Variants in GALNT8 observed in about 807,000 individuals in gnomAD.
GALNT8 encodes the protein polypeptide N-acetylgalactosaminyltransferase 8, also known as probable polypeptide N-acetylgalactosaminyltransferase 8.
Under a neutral mutation model 62.7 loss-of-function variants are expected in GALNT8, and 66 were observed. The ratio of observed to expected loss-of-function variants is 1.05; its 90% CI spans 0.86 to 1.29. The LOEUF is 1.29. GALNT8 is among the 50% of genes most tolerant of loss of function. The probability of loss-of-function intolerance (pLI) is 0.00; values close to 1 mark genes in which losing one functional copy is unlikely to be tolerated. For missense variants in GALNT8, 771 were observed against 791.8 expected (o/e 0.97, Z 0.32); for synonymous variants, 288 against 294.3 (o/e 0.98, Z 0.22).
intron 1 of GALNT8, among the ~76,000 whole-genome samples, chr12:4,722,151 C>T (rs1946173774): frequency 6.6e-6 from 1 of 152,176 alleles, no homozygotes; most frequent in Non-Finnish European, 1.5e-5. Flanking sequence ...ATGTCTAGTT[C>T]TTTCTACACA....
intron 6 of GALNT8, 110 bp downstream of exon 6, chr12:4,746,368 TG>T: frequency 1.4e-6 from 1 of 711,280 alleles, no homozygotes; most frequent in Non-Finnish European, 2.5e-6. Context: ...GGCTCAAAGG[TG>T]GATACATTCT....
intron 3 of GALNT8, among the ~76,000 whole-genome samples, chr12:4,741,647 T>TAATTCAGG (rs1946272849): frequency 6.6e-6 from 1 of 151,850 alleles, no homozygotes; most frequent in South Asian, 2.1e-4. Context: ...AGATAAGACT[T>TAATTCAGG]AATTCAGGAT....
In GALNT8 at chr12:4,763,316, A is replaced by G. The variant is rs370583462; in HGVS notation, c.1423A>G (p.Lys475Glu). 2.5e-5 allele frequency: 41 copies of G among 1,611,544 alleles called. No individual in the cohort carries two copies. The highest frequency in any genetic ancestry group is 3.2e-5 in the Non-Finnish European group (38 of 1,177,718). The change falls in exon 8 of 11, where the codon AAA (lysine) becomes GAA (glutamate). Residue 475 changes from lysine (K) to glutamate (E), a missense_variant. Lys to Glu is a moderately conservative substitution (Grantham distance 56). Coordinates refer to ENST00000252318, the MANE Select transcript of GALNT8 (RefSeq NM_017417.2). ...GGCACTCCGGGAAAAACTGAAATGTAAAACTTTTGACTGGTACCTGAAAAA... is the reference window on the plus strand; with the variant it reads ...GGCACTCCGGGAAAAACTGAAATGTGAAACTTTTGACTGGTACCTGAAAAA... ...RMALREKLKC[K>E]TFDWYLKNVY... is the part of the protein sequence containing the mutation.
intron 8 of GALNT8, 82 bp downstream of exon 8, chr12:4,763,472 C>G: frequency 1.7e-6 from 2 of 1,180,594 alleles, no homozygotes; most frequent in Non-Finnish European, 2.5e-6. Flanking sequence ...GATTGCCTGT[C>G]CTGCCCAAGA....
Position 4,745,537 on chromosome 12 carries a change from A to C in GALNT8, c.969A>C (p.Ala323=), listed in dbSNP as rs751768427. The C allele has an allele frequency of 1.9e-6, 3 of 1,613,622 alleles. No homozygotes were observed. Among genetic ancestry groups the C allele is most frequent in the South Asian group, 1.1e-5 (1 of 91,072 alleles). Reference sequence around the variant, plus strand: ...TCAAACTGGATAAGTATGAACTGGCAGTTGATGGGTTTAACTGGGAACTCT... The same window carrying C: ...TCAAACTGGATAAGTATGAACTGGCCGTTGATGGGTTTAACTGGGAACTCT... ...DTFKLDKYEL[A]VDGFNWELWC... Residue 323 remains alanine (A), a synonymous_variant, in exon 5 of 11, where the codon GCA becomes GCC. Coordinates refer to ENST00000252318, the MANE Select transcript of GALNT8 (RefSeq NM_017417.2).
chr12:4,736,666 C>T (rs1946246611), intron 2 of GALNT8, among the ~76,000 whole-genome samples: 1 of 150,618 alleles, frequency 6.6e-6, no homozygotes, highest in Non-Finnish European at 1.5e-5. Flanking sequence ...ATTTTGTAGA[C>T]TCTGCAAATT....
Position 4,744,632 on chromosome 12 carries a change from T to C in GALNT8, c.792T>C (p.Thr264=). 1.2e-6 allele frequency: 2 copies of C among 1,613,678 alleles called. No homozygotes were observed. The highest frequency in any genetic ancestry group is 8.5e-7 in the Non-Finnish European group (1 of 1,179,758). ...ERKGLAQARN[T]GWEAATADVV... ...AAGGTCTTGCTCAAGCCCGCAACAC[T>C]GGCTGGGAAGCTGCCACAGCAGACG... The change falls in exon 4 of 11, where the codon ACT becomes ACC. Residue 264 remains threonine, a synonymous_variant. Coordinates refer to ENST00000252318, the MANE Select transcript of GALNT8 (RefSeq NM_017417.2).
chr12:4,729,064 A>G (rs940972657), intron 2 of GALNT8, among the ~76,000 whole-genome samples: 10 of 152,030 alleles, frequency 6.6e-5, no homozygotes, highest in African/African-American at 2.2e-4. Flanking sequence ...TCACAGTATA[A>G]GTTTGTTTAT....
intron 4 of GALNT8, 40 bp from the exon 5 acceptor site, chr12:4,745,389 C>T (rs960286838): frequency 6.0e-6 from 8 of 1,328,570 alleles, no homozygotes; most frequent in Non-Finnish European, 8.7e-6. Context: ...ACTGCTTGTC[C>T]TCATATCCAA....
At chr12:4,745,760 G>A in intron 5 of GALNT8, 134 bp downstream of exon 5, 1 of 676,042 alleles carries the variant, frequency 1.5e-6, no homozygotes, top group Non-Finnish European at 2.6e-6. Flanking sequence ...TGAAGGACAA[G>A]GGATAGAGGG....
chr12:4,720,642 C>T lies in GALNT8; in HGVS notation c.-36C>T. The T allele has an allele frequency of 7.8e-7, 1 of 1,285,998 alleles. No homozygotes were observed. Among genetic ancestry groups the T allele is most frequent in the Non-Finnish European group, 1.1e-6 (1 of 880,424 alleles). 79.7% of individuals were successfully genotyped at this position (1,285,998 alleles called of 1,614,324 possible). Reference sequence around the variant, plus strand: ...TAACCTGCTCCAGCAGTGACACACTCAGTCCCACAGGGAGTGGACGACCCC... The same window carrying T: ...TAACCTGCTCCAGCAGTGACACACTTAGTCCCACAGGGAGTGGACGACCCC... On this transcript the variant is annotated 5_prime_UTR_variant, in exon 1 of 11. Transcript: ENST00000252318.
At chr12:4,741,573 T>A (rs937168864) in intron 3 of GALNT8, among the ~76,000 whole-genome samples, 1 of 149,030 alleles carries the variant, frequency 6.7e-6, no homozygotes, top group East Asian at 1.9e-4. Context: ...GATATCTTTT[T>A]CTGTGGAAAA....
intron 6 of GALNT8, among the ~76,000 whole-genome samples, chr12:4,754,088 C>G (rs956237661): frequency 6.6e-6 from 1 of 152,134 alleles, no homozygotes; most frequent in African/African-American, 2.4e-5. Context: ...GGTGGAGTGA[C>G]ACAAGCAACC....
intron 6 of GALNT8, among the ~76,000 whole-genome samples, chr12:4,758,819 C>G (rs1946358841): frequency 1.3e-5 from 2 of 151,722 alleles, no homozygotes; most frequent in South Asian, 4.2e-4. Context: ...CTCTGTTTCC[C>G]AGGCTGGCGT....
intron 10 of GALNT8, among the ~76,000 whole-genome samples, chr12:4,766,766 C>T (rs1324843514): frequency 6.6e-6 from 1 of 152,044 alleles, no homozygotes; most frequent in Non-Finnish European, 1.5e-5. Context: ...GAATGCGGTA[C>T]TATGCTTGGT....
chr12:4,744,750 T>C (rs1946289342), intron 4 of GALNT8, 50 bp downstream of exon 4: 2 of 1,248,762 alleles, frequency 1.6e-6, no homozygotes, highest in Non-Finnish European at 2.3e-6. Context: ...GAGGAGATAT[T>C]GTGCATGTAC....
At chr12:4,768,677 G>C (rs1437131195) in intron 10 of GALNT8, among the ~76,000 whole-genome samples, 1 of 152,192 alleles carries the variant, frequency 6.6e-6, no homozygotes, top group Non-Finnish European at 1.5e-5. Context: ...ATTGAAAAGG[G>C]AGGTGATCGT....
chr12:4,741,740 A>T (rs1457988897), intron 3 of GALNT8, among the ~76,000 whole-genome samples: 3 of 152,188 alleles, frequency 2.0e-5, no homozygotes, highest in Non-Finnish European at 4.4e-5. Flanking sequence ...AAGCTTTCTT[A>T]TTGCTCTAAG....
Position 4,765,400 on chromosome 12 carries a change from G to A in GALNT8, c.1615G>A (p.Gly539Arg). The change falls in exon 10 of 11, where the codon GGG (glycine) becomes AGG (arginine). Residue 539 changes from glycine (G) to arginine (R), a missense_variant. Coordinates refer to ENST00000252318, the MANE Select transcript of GALNT8 (RefSeq NM_017417.2). ...TTAGAATGTCTACTATCACCTAACT[G>A]GGGAGCTCTATGTGGGACAACTGAT... is the stretch of plus-strand genomic sequence containing the variant. ...SSQNVYYHLT[G>R]ELYVGQLIAE... The A allele has an allele frequency of 6.3e-7, 1 of 1,594,730 alleles. No homozygotes were observed. Among genetic ancestry groups the A allele is most frequent in the Non-Finnish European group, 8.5e-7 (1 of 1,172,606 alleles).
Sources: gnomAD v4.1 joint callset for allele counts (sites outside exome capture counted in the v4.1 genomes callset) on GRCh38, gnomAD v4.1.1 for gene constraint, MANE v1.5 for transcripts, NCBI Gene and HGNC (gene_info 2026-07-23, HGNC 2026-07-21) for gene names.